PIK3C2G: variants seen among roughly 807,000 people sequenced by gnomAD.
The protein encoded by PIK3C2G is phosphatidylinositol-4-phosphate 3-kinase catalytic subunit type 2 gamma.
Under a neutral mutation model 181.1 loss-of-function variants are expected in PIK3C2G, and 168 were observed. The ratio of observed to expected loss-of-function variants is 0.93; its 90% CI spans 0.82 to 1.05. PIK3C2G has a LOEUF of 1.05. Among genes scored for constraint, PIK3C2G ranks in the 50% least tolerant of loss-of-function variants. The pLI, the probability that PIK3C2G is intolerant of heterozygous loss-of-function variation, is 0.00. For missense variants in PIK3C2G, 1,869 were observed against 1,732.8 expected, an observed-to-expected ratio of 1.08 and a Z score of -1.40; for synonymous variants, 573 against 592.2, an observed-to-expected ratio of 0.97 and a Z score of 0.47.
the PIK3C2G span, among the ~76,000 whole-genome samples, chr12:18,691,002 G>T: frequency 6.6e-6 from 1 of 152,164 alleles, no homozygotes; most frequent in African/African-American, 2.4e-5. Context: ...GTGGAGAATA[G>T]ATATGGAGGA....
intron 31 of PIK3C2G, among the ~76,000 whole-genome samples, chr12:18,630,136 G>C (rs9630253): frequency 0.49 from 73,833 of 151,930 alleles, 19,106 homozygotes; most frequent in African/African-American, 0.67. Flanking sequence ...AGGGGGCCAG[G>C]TGCGGTGGCT....
chr12:18,321,914 G>GA (rs977370913), intron 7 of PIK3C2G, among the ~76,000 whole-genome samples: 11 of 152,092 alleles, frequency 7.2e-5, no homozygotes, highest in Non-Finnish European at 1.5e-4. Context: ...ACAGGGAGGG[G>GA]AACAACACAC....
At chr12:18,625,462 T>C (rs1018062810) in intron 31 of PIK3C2G, among the ~76,000 whole-genome samples, 8 of 151,794 alleles carry the variant, frequency 5.3e-5, no homozygotes, top group Non-Finnish European at 8.9e-5. Context: ...CTGAAGAATA[T>C]TCTGTGTGTG....
intron 31 of PIK3C2G, among the ~76,000 whole-genome samples, chr12:18,634,517 T>C (rs1439566205): frequency 7.2e-5 from 11 of 152,208 alleles, no homozygotes; most frequent in Non-Finnish European, 1.6e-4. Context: ...TTTTTCATGA[T>C]GGAAGCAGTC....
At chr12:18,288,084 C>A (rs1949532070) in intron 3 of PIK3C2G, among the ~76,000 whole-genome samples, 1 of 151,994 alleles carries the variant, frequency 6.6e-6, no homozygotes. Flanking sequence ...ATCACTTGGA[C>A]CTGGGAGGTG....
chr12:18,311,104 AT>A (rs1387975147), intron 5 of PIK3C2G, among the ~76,000 whole-genome samples: 2 of 151,920 alleles, frequency 1.3e-5, no homozygotes, highest in African/African-American at 4.8e-5. Context: ...CTATAATGTA[AT>A]TTGAAAAAAA....
chr12:18,521,002 C>T (rs771353698), intron 24 of PIK3C2G, among the ~76,000 whole-genome samples: 8 of 152,056 alleles, frequency 5.3e-5, no homozygotes, highest in Non-Finnish European at 7.3e-5. Context: ...TCAGGTCCCT[C>T]TTCTGTAGGG....
At position 18,282,125 on chromosome 12, in the gene PIK3C2G, A is replaced by G. The variant is rs1949245707; in HGVS notation, c.44A>G (p.His15Arg). ...WQTDPNPNES[H>R]EKQYEHQEFL... ...ACGGATCCAAATCCTAATGAATCACACGAAAAGCAGTATGAACACCAAGAA... is the reference window on the plus strand; with the variant it reads ...ACGGATCCAAATCCTAATGAATCACGCGAAAAGCAGTATGAACACCAAGAA... Residue 15 changes from histidine (H) to arginine (R), a missense_variant, in exon 2 of 33, where the codon CAC (histidine) becomes CGC (arginine). Physicochemically the swap from His to Arg is conservative, Grantham distance 29. Transcript: ENST00000538779. 1 of 1,607,318 alleles carries G rather than the reference A, an allele frequency of 6.2e-7. No individual in the cohort carries two copies. Among genetic ancestry groups the G allele is most frequent in the African/African-American group, 1.3e-5 (1 of 74,842 alleles).
At chr12:18,562,156 G>A (rs1160207197) in intron 26 of PIK3C2G, among the ~76,000 whole-genome samples, 3 of 152,058 alleles carry the variant, frequency 2.0e-5, no homozygotes, top group African/African-American at 7.2e-5. Context: ...TTTTTGAGAC[G>A]GAGTCTCGCT....
chr12:18,350,012 G>C (rs1940074354), intron 11 of PIK3C2G, among the ~76,000 whole-genome samples: 1 of 152,204 alleles, frequency 6.6e-6, no homozygotes, highest in South Asian at 2.1e-4. Context: ...TTATTACTGA[G>C]GGCAAAAATG....
upstream of PIK3C2G, among the ~76,000 whole-genome samples, chr12:18,259,557 G>A (rs1948183987): frequency 1.3e-5 from 2 of 151,938 alleles, no homozygotes; most frequent in Admixed American, 6.6e-5. Flanking sequence ...TAGAGTGGGG[G>A]GAAATAAGCC....
chr12:18,600,724 GA>G (rs913841666), intron 30 of PIK3C2G, among the ~76,000 whole-genome samples: 38 of 151,204 alleles, frequency 2.5e-4, no homozygotes, highest in Admixed American at 3.9e-4. Flanking sequence ...AATTTTCTAG[GA>G]AAAAAAAATT....
chr12:18,541,189 A>C (rs1944131439), intron 25 of PIK3C2G, among the ~76,000 whole-genome samples: 1 of 151,986 alleles, frequency 6.6e-6, no homozygotes, highest in Non-Finnish European at 1.5e-5. Flanking sequence ...GCAAATGATC[A>C]GTCCCCAGGA....
chr12:18,615,614 G>T (rs959829997), intron 31 of PIK3C2G, among the ~76,000 whole-genome samples: 1 of 151,592 alleles, frequency 6.6e-6, no homozygotes, highest in Non-Finnish European at 1.5e-5. Flanking sequence ...TGGATCAAAT[G>T]GTAGCTCTAC....
intron 30 of PIK3C2G, among the ~76,000 whole-genome samples, chr12:18,601,211 A>G (rs2136538712): frequency 6.6e-6 from 1 of 151,956 alleles, no homozygotes; most frequent in East Asian, 1.9e-4. Flanking sequence ...TCACATGGTC[A>G]CCTCTATAGA....
chr12:18,333,444 C>T (rs1036878899), intron 8 of PIK3C2G, among the ~76,000 whole-genome samples: 1 of 152,088 alleles, frequency 6.6e-6, no homozygotes, highest in African/African-American at 2.4e-5. Flanking sequence ...TCTAACCCCC[C>T]ACCCACCGAC....
chr12:18,568,853 C>G (rs1300611979), intron 29 of PIK3C2G, among the ~76,000 whole-genome samples: 1 of 152,098 alleles, frequency 6.6e-6, no homozygotes, highest in Non-Finnish European at 1.5e-5. Context: ...GCCCTCCTTA[C>G]TAGACTAGCA....
the PIK3C2G span, among the ~76,000 whole-genome samples, chr12:18,662,360 A>C: frequency 3.3e-5 from 5 of 152,122 alleles, no homozygotes; most frequent in Non-Finnish European, 7.4e-5. Context: ...GGGAGAAATT[A>C]AGAAATTAAT....
intron 29 of PIK3C2G, among the ~76,000 whole-genome samples, chr12:18,569,781 G>A (rs1028870771): frequency 6.6e-6 from 1 of 152,118 alleles, no homozygotes; most frequent in African/African-American, 2.4e-5. Flanking sequence ...TGGTTGGTGT[G>A]CGTCTCATTG....
Sources: gnomAD v4.1 joint callset for allele counts (sites outside exome capture counted in the v4.1 genomes callset) on GRCh38, gnomAD v4.1.1 for gene constraint, MANE v1.5 for transcripts, NCBI Gene and HGNC (gene_info 2026-07-23, HGNC 2026-07-21) for gene names.